Variants in CUX1 observed in about 807,000 individuals in gnomAD.
CUX1 encodes the protein protein CASP.
CUX1 carries 31 observed loss-of-function variants against 158.8 expected under a neutral mutation model. That is an observed-to-expected ratio of 0.20 (90% CI 0.15 to 0.26). The LOEUF (loss-of-function observed/expected upper bound fraction) is 0.26, where lower values mean the gene tolerates loss of function less well. Among genes scored for constraint, CUX1 ranks in the 10% least tolerant of loss-of-function variants. The probability of loss-of-function intolerance (pLI) is 1.00; values close to 1 mark genes in which losing one functional copy is unlikely to be tolerated. For missense variants in CUX1, 1,589 were observed against 2,014.6 expected (o/e 0.79, Z 4.04); for synonymous variants, 879 against 862.1 (o/e 1.02, Z -0.34).
intron 2 of CUX1, among the ~76,000 whole-genome samples, chr7:101,962,242 G>T (rs10276057): frequency 0.25 from 37,822 of 152,120 alleles, 6,161 homozygotes; most frequent in African/African-American, 0.46. Flanking sequence ...ATATTTCCCT[G>T]CAATTCATCT....
chr7:101,946,471 G>A (rs1808382845), intron 2 of CUX1, among the ~76,000 whole-genome samples: 1 of 149,982 alleles, frequency 6.7e-6, no homozygotes. Flanking sequence ...TTGAACCTGG[G>A]AGGTGGAGGT....
intron 20 of CUX1, among the ~76,000 whole-genome samples, chr7:102,213,829 G>A (rs781882718): frequency 8.7e-4 from 132 of 152,156 alleles, no homozygotes; most frequent in Non-Finnish European, 4.6e-4. Flanking sequence ...GCTGATGTCC[G>A]TAATCCTTAA....
intron 2 of CUX1, among the ~76,000 whole-genome samples, chr7:101,943,689 T>A (rs2158863): frequency 0.34 from 49,715 of 145,956 alleles, 9,019 homozygotes; most frequent in African/African-American, 0.47. Context: ...CTTTAAAATT[T>A]AAAAAAAAAA....
chr7:101,890,012 G>A (rs1584894695), intron 1 of CUX1, among the ~76,000 whole-genome samples: 1 of 152,180 alleles, frequency 6.6e-6, no homozygotes, highest in Non-Finnish European at 1.5e-5. Context: ...CTTGATGGTG[G>A]AACCACTCCC....
chr7:102,189,961 GC>G, intron 12 of CUX1, 90 bp downstream of exon 12: 1 of 1,387,966 alleles, frequency 7.2e-7, no homozygotes, highest in Non-Finnish European at 1.0e-6. Flanking sequence ...GGAAGCCTTG[GC>G]CCCCTGCCCT....
chr7:101,949,382 G>A (rs1230114325), intron 2 of CUX1, among the ~76,000 whole-genome samples: 2 of 152,014 alleles, frequency 1.3e-5, no homozygotes, highest in Non-Finnish European at 1.5e-5. Context: ...CGCCCGCCTA[G>A]GCCTCCCAAA....
chr7:101,853,979 G>A (rs1431838821), intron 1 of CUX1, among the ~76,000 whole-genome samples: 1 of 152,214 alleles, frequency 6.6e-6, no homozygotes, highest in Non-Finnish European at 1.5e-5. Flanking sequence ...CTTGCTGCAG[G>A]CGGCCTGCTC....
intron 18 of CUX1, among the ~76,000 whole-genome samples, chr7:102,279,484 G>A (rs1325212494): frequency 2.0e-5 from 3 of 152,130 alleles, no homozygotes; most frequent in Non-Finnish European, 4.4e-5. Flanking sequence ...CAGCCCCCAG[G>A]CCTCCCAGGG....
chr7:101,868,754 G>A (rs1365579557), intron 1 of CUX1, among the ~76,000 whole-genome samples: 1 of 152,218 alleles, frequency 6.6e-6, no homozygotes, highest in African/African-American at 2.4e-5. Flanking sequence ...CTGGCTGTAG[G>A]GAGTGATGGA....
chr7:102,073,315 A>G (rs897850493), intron 4 of CUX1, among the ~76,000 whole-genome samples: 4 of 151,342 alleles, frequency 2.6e-5, no homozygotes, highest in Non-Finnish European at 2.9e-5. Context: ...CTGTGATTAC[A>G]GGCACCCATC....
chr7:102,044,039 G>A (rs1192574826), intron 3 of CUX1, among the ~76,000 whole-genome samples: 12 of 152,180 alleles, frequency 7.9e-5, no homozygotes, highest in South Asian at 2.1e-4. Flanking sequence ...ACTGGCGTGC[G>A]GTGGTGCGAT....
chr7:102,278,273 C>T (rs547064345), intron 18 of CUX1, among the ~76,000 whole-genome samples: 128 of 152,294 alleles, frequency 8.4e-4, no homozygotes, highest in African/African-American at 2.9e-3. Context: ...GAGTGGAGCC[C>T]CTGTCCAGAT....
chr7:102,283,113 C>G, exon 23 of CUX1: 1 of 1,601,322 alleles, frequency 6.2e-7, no homozygotes, highest in Non-Finnish European at 8.6e-7. Flanking sequence ...TCCCCCGTGA[C>G]AGTGACGGCT....
chr7:102,117,878 A>G (rs782384756), intron 8 of CUX1, among the ~76,000 whole-genome samples: 9 of 152,344 alleles, frequency 5.9e-5, no homozygotes, highest in South Asian at 2.1e-4. Flanking sequence ...GGCATTTCCC[A>G]CATCAGAAAC....
At chr7:101,936,607 C>T (rs995434336) in intron 2 of CUX1, among the ~76,000 whole-genome samples, 2 of 152,134 alleles carry the variant, frequency 1.3e-5, no homozygotes, top group South Asian at 2.1e-4. Flanking sequence ...GAAAGCCCGG[C>T]GACCATCATG....
rs533988641 is a variant in CUX1, at chr7:101,966,450, G to A, written c.141+50225G>A. 2.6e-5 allele frequency among the ~76,000 whole-genome samples: 4 copies of A among 152,212 alleles called. No homozygotes were observed. The South Asian group carries it at 6.2e-4, about 24-fold the overall frequency. On this transcript the variant is annotated intron_variant, in intron 2 of 23. Transcript: ENST00000292535. ...CCGAGAGTTGATACTCATTGAAAGC[G>A]CATGATGGGCACATGGGGACTGGTG...
At chr7:102,006,550 C>A (rs1817403511) in intron 2 of CUX1, among the ~76,000 whole-genome samples, 1 of 152,250 alleles carries the variant, frequency 6.6e-6, no homozygotes, top group South Asian at 2.1e-4. Context: ...GAGCGCGCCA[C>A]CACACCTGGC....
In CUX1 at chr7:102,115,096, G is replaced by A. The variant is rs1460694980; in HGVS notation, c.608-111G>A. On this transcript the variant is annotated intron_variant, in intron 7 of 23. Transcript: ENST00000292535. ...GTGTTTTTAATCTTTATTTTTCCACGCACCTCGCTCCTCACAGAAATCTTT... is the reference window on the plus strand; with the variant it reads ...GTGTTTTTAATCTTTATTTTTCCACACACCTCGCTCCTCACAGAAATCTTT... The A allele has an allele frequency of 2.2e-5, 19 of 864,486 alleles. No individual in the cohort carries two copies. In the East Asian group the frequency reaches 3.8e-4, roughly 17 times the overall value. The allele number at this position is 864,486 out of a possible 1,614,324, so 53.6% of individuals were successfully genotyped here. A position where few individuals can be genotyped will look rare whatever the true frequency, so the allele number is the denominator to read the frequency against.
intron 1 of CUX1, among the ~76,000 whole-genome samples, chr7:101,880,668 A>G (rs910532567): frequency 1.3e-5 from 2 of 152,242 alleles, no homozygotes; most frequent in Non-Finnish European, 2.9e-5. Flanking sequence ...AGCAAATAGA[A>G]TGAAATATAG....
Sources: allele counts gnomAD v4.1 joint callset (sites outside exome capture counted in the v4.1 genomes callset), GRCh38; gene constraint gnomAD v4.1.1; transcripts MANE v1.5; gene names NCBI Gene and HGNC (gene_info 2026-07-23, HGNC 2026-07-21).